FOXN3: variants seen among roughly 807,000 people sequenced by gnomAD.
FOXN3 encodes forkhead box N3.
A neutral mutation model predicts 38.4 loss-of-function variants in FOXN3; 7 were observed. That is an observed-to-expected ratio of 0.18 (90% CI 0.10 to 0.34). FOXN3 has a LOEUF of 0.34. Among genes scored for constraint, FOXN3 ranks in the 10% least tolerant of loss-of-function variants. FOXN3 has a pLI of 1.00. For synonymous variants in FOXN3, 230 were observed against 242.2 expected, an observed-to-expected ratio of 0.95 and a Z score of 0.47; for missense variants, 456 against 613.4, an observed-to-expected ratio of 0.74 and a Z score of 2.71.
chr14:89,485,975 C>T (rs1440450398), intron 1 of FOXN3, among the ~76,000 whole-genome samples: 2 of 152,180 alleles, frequency 1.3e-5, no homozygotes, highest in African/African-American at 2.4e-5. Flanking sequence ...CAATCCCAAT[C>T]CTCAAAGCTT....
intron 1 of FOXN3, among the ~76,000 whole-genome samples, chr14:89,434,289 T>C (rs1326334664): frequency 7.1e-6 from 1 of 141,466 alleles, no homozygotes; most frequent in African/African-American, 2.7e-5. Context: ...AATGGTGTGA[T>C]CTCACTCAGC....
intron 2 of FOXN3, among the ~76,000 whole-genome samples, chr14:89,377,806 G>A (rs74963309): frequency 0.16 from 24,908 of 152,206 alleles, 2,077 homozygotes; most frequent in Non-Finnish European, 0.19. Context: ...ACCTCAGAAT[G>A]TGGCTCTATT....
chr14:89,465,223 G>GT (rs11307971), intron 1 of FOXN3, among the ~76,000 whole-genome samples: 11 of 151,854 alleles, frequency 7.2e-5, no homozygotes, highest in African/African-American at 4.8e-5. Context: ...GCATGTCTTT[G>GT]TTTTTTTTTG....
At chr14:89,365,803 A>C (rs1890124192) in intron 2 of FOXN3, among the ~76,000 whole-genome samples, 1 of 152,246 alleles carries the variant, frequency 6.6e-6, no homozygotes. Context: ...CTATTACTCA[A>C]ATGAACTCAA....
chr14:89,164,625 AAACTG>A lies in FOXN3; in HGVS notation c.852-1661_852-1657del, dbSNP rs1410508505. Among the ~76,000 whole-genome samples the A allele has an allele frequency of 1.3e-5, 2 of 152,142 alleles. No homozygotes were observed. The highest frequency in any genetic ancestry group is 2.9e-5 in the Non-Finnish European group (2 of 68,012). On this transcript the variant is annotated intron_variant, in intron 5 of 5. Transcript: ENST00000557258. The surrounding 1 kb of genome is among the most constrained non-coding windows in gnomAD (Gnocchi z 4.3). ...TGTCAGCACGGTGGACACAGCAGAT[AAACTG>A]AGGAAGTGCGGCACAGGTGGAATCA...
chr14:89,265,648 C>T (rs535117957), intron 4 of FOXN3, among the ~76,000 whole-genome samples: 1 of 152,290 alleles, frequency 6.6e-6, no homozygotes, highest in East Asian at 1.9e-4. Context: ...TATAGCAGCA[C>T]GTCCACTTTT....
At chr14:89,236,991 A>C (rs1885000005) in intron 4 of FOXN3, among the ~76,000 whole-genome samples, 1 of 152,194 alleles carries the variant, frequency 6.6e-6, no homozygotes, top group South Asian at 2.1e-4. Context: ...CCATCTGTCT[A>C]CATACAACAG....
At chr14:89,520,411 G>A (rs1894295969) in intron 1 of FOXN3, among the ~76,000 whole-genome samples, 1 of 152,104 alleles carries the variant, frequency 6.6e-6, no homozygotes, top group African/African-American at 2.4e-5. Flanking sequence ...AGAAACCCAA[G>A]GTCTCACTGG....
At chr14:89,354,561 A>AG (rs760065982) in intron 2 of FOXN3, among the ~76,000 whole-genome samples, 228 of 145,260 alleles carry the variant, frequency 1.6e-3, no homozygotes, top group Admixed American at 3.5e-3. Context: ...AAAAAAAAAA[A>AG]GAAAAGAAAT....
At chr14:89,544,407 C>T (rs762529788) in intron 1 of FOXN3, among the ~76,000 whole-genome samples, 4 of 151,726 alleles carry the variant, frequency 2.6e-5, no homozygotes, top group Admixed American at 2.6e-4. Flanking sequence ...GATCACAGGT[C>T]GTTGTAAACT....
intron 3 of FOXN3, among the ~76,000 whole-genome samples, chr14:89,325,501 G>C (rs1407087282): frequency 2.0e-5 from 3 of 151,770 alleles, no homozygotes; most frequent in African/African-American, 7.3e-5. Flanking sequence ...TCTCATGCAA[G>C]AGTAAGAGGT....
At position 89,465,157 on chromosome 14, in the gene FOXN3, C is replaced by A. The variant is rs569769929; in HGVS notation, c.-14-52667G>T. Among the ~76,000 whole-genome samples the A allele has an allele frequency of 2.0e-5, 3 of 152,308 alleles. No homozygotes were observed. The South Asian group carries it at 6.2e-4, about 32-fold the overall frequency. Reference sequence around the variant, plus strand: ...GTAAGTTTCCTGAGGCCTCCCCAGCCATGCAGAACTGTGAGTCAATTAAAC... The same window carrying A: ...GTAAGTTTCCTGAGGCCTCCCCAGCAATGCAGAACTGTGAGTCAATTAAAC... On this transcript the variant is annotated intron_variant, in intron 1 of 6. Coordinates refer to the FOXN3 transcript ENST00000345097.
chr14:89,190,209 T>G (rs996183736), intron 4 of FOXN3, among the ~76,000 whole-genome samples: 1 of 152,272 alleles, frequency 6.6e-6, no homozygotes, highest in African/African-American at 2.4e-5. Flanking sequence ...TTCATACATA[T>G]GCATGGCTGC....
At chr14:89,278,302 G>A (rs919798906) in intron 4 of FOXN3, among the ~76,000 whole-genome samples, 3 of 152,024 alleles carry the variant, frequency 2.0e-5, no homozygotes, top group Non-Finnish European at 2.9e-5. Flanking sequence ...GCACCACCAC[G>A]AGAACAGTAT....
chr14:89,325,226 C>CCACCACCAT (rs1391323430), intron 3 of FOXN3, among the ~76,000 whole-genome samples: 7 of 142,536 alleles, frequency 4.9e-5, no homozygotes, highest in Non-Finnish European at 9.1e-5. Context: ...ACCACCACCA[C>CCACCACCAT]CACCATCACT....
At chr14:89,602,447 A>C (rs775994768) in intron 1 of FOXN3, among the ~76,000 whole-genome samples, 6 of 152,156 alleles carry the variant, frequency 3.9e-5, no homozygotes, top group Non-Finnish European at 8.8e-5. Context: ...TAATTTTTTT[A>C]AAGCACACTG....
intron 1 of FOXN3, among the ~76,000 whole-genome samples, chr14:89,416,232 C>G (rs1188877540): frequency 6.6e-6 from 1 of 152,188 alleles, no homozygotes; most frequent in Non-Finnish European, 1.5e-5. Flanking sequence ...CGTCAATCAG[C>G]GGCGTTGCCG....
intron 1 of FOXN3, among the ~76,000 whole-genome samples, chr14:89,511,678 G>C (rs965166045): frequency 6.6e-6 from 1 of 152,112 alleles, no homozygotes; most frequent in Non-Finnish European, 1.5e-5. Flanking sequence ...CTGATATGAA[G>C]AGTATTGTAT....
At chr14:89,242,619 C>G (rs116866709) in intron 4 of FOXN3, among the ~76,000 whole-genome samples, 2,788 of 152,254 alleles carry the variant, frequency 0.018, 36 homozygotes, top group Middle Eastern at 0.031. Context: ...CAGTAATCTT[C>G]TCATAATCAT....
Sources: allele counts gnomAD v4.1 joint callset (sites outside exome capture counted in the v4.1 genomes callset), GRCh38; gene constraint gnomAD v4.1.1; non-coding constraint Gnocchi (gnomAD v3.1); transcripts MANE v1.5; gene names NCBI Gene and HGNC (gene_info 2026-07-23, HGNC 2026-07-21).